Variants in DICER1 observed in about 807,000 individuals in gnomAD.
The protein encoded by DICER1 is dicer 1, ribonuclease III, also known as endoribonuclease Dicer.
Under a neutral mutation model 194.1 loss-of-function variants are expected in DICER1, and 43 were observed. That is an observed-to-expected ratio of 0.22 (90% confidence interval 0.17 to 0.29). The LOEUF (loss-of-function observed/expected upper bound fraction) is 0.29. Ranked by LOEUF, DICER1 falls within the 10% of genes least tolerant of loss-of-function variation. The probability of loss-of-function intolerance (pLI) is 1.00; values close to 1 mark genes in which losing one functional copy is unlikely to be tolerated. For synonymous variants in DICER1, 832 were observed against 820.5 expected, an observed-to-expected ratio of 1.01 and a Z score of -0.24; for missense variants, 1,608 against 2,317.0, an observed-to-expected ratio of 0.69 and a Z score of 6.28.
intron 21 of DICER1, 89 bp downstream of exon 21, chr14:95,103,257 T>C (rs1352389697): frequency 1.4e-6 from 2 of 1,380,824 alleles, no homozygotes; most frequent in Non-Finnish European, 2.1e-6. Flanking sequence ...GCATGATACG[T>C]TCTCATCCTC....
rs2139988946 is a variant in DICER1 at position 95,105,266 on chromosome 14, T to C, written c.3094-20A>G. 1 of 1,603,832 alleles carries C rather than the reference T, an allele frequency of 6.2e-7. No homozygotes were observed. Among genetic ancestry groups the C allele is most frequent in the Non-Finnish European group, 8.5e-7 (1 of 1,173,556 alleles). On this transcript the variant is annotated intron_variant, in intron 19 of 26. Coordinates refer to ENST00000343455, the MANE Select transcript of DICER1 (RefSeq NM_177438.3). The surrounding 1 kb of genome is among the most constrained non-coding windows in gnomAD (Gnocchi z 4.9). ...CAGTATCTTCAAGTAAGGGGAAAAA[T>C]GGACAGATAAATACAAAGCGCACAC...
At chr14:95,126,537 G>T in intron 7 of DICER1, 43 bp downstream of exon 7, 1 of 1,256,362 alleles carries the variant, frequency 8.0e-7, no homozygotes, top group South Asian at 1.3e-5. Context: ...AATTAACAAA[G>T]CTTTCAAAAT....
At chr14:95,108,558 C>T (rs1472990632) in intron 14 of DICER1, 55 bp from the exon 15 acceptor site, 2 of 1,488,912 alleles carry the variant, frequency 1.3e-6, no homozygotes. Context: ...GCCTCTTTTC[C>T]AGATGTCAGC....
chr14:95,129,605 G>A lies in DICER1; in HGVS notation c.601C>T (p.Arg201Cys), dbSNP rs774514314. Residue 201 changes from arginine to cysteine, a missense_variant, in exon 6 of 27, where the codon CGC becomes TGC. By Grantham distance (180) the Arg-to-Cys change is radical (BLOSUM62 -3). This residue lies in a region of DICER1 where 657 missense variants were observed against 910.1 expected (regional missense o/e 0.72). Transcript: ENST00000343455. ...KLCENCPSCP[R>C]ILGLTASILN... is the part of the protein sequence containing the mutation. ...ATGGAAGCAGTTAGTCCCAAAATGC[G>A]AGGACATGATGGACAATTTTCACAG... 6.2e-6 allele frequency: 10 copies of A among 1,612,796 alleles called. No homozygotes were observed. Among genetic ancestry groups the A allele is most frequent in the East Asian group, 2.2e-5 (1 of 44,852 alleles).
At chr14:95,139,000 A>T (rs1392231140) in intron 1 of DICER1, among the ~76,000 whole-genome samples, 2 of 150,996 alleles carry the variant, frequency 1.3e-5, no homozygotes, top group African/African-American at 2.4e-5. Context: ...AAAATAAAAA[A>T]AAAAAAAAAA....
Position 95,103,454 on chromosome 14 carries a change from C to A in DICER1, c.3942G>T (p.Arg1314=). The change falls in exon 21 of 27, where the codon CGG becomes CGT. Residue 1314 remains arginine, a synonymous_variant. Transcript: ENST00000343455. The stretch of plus-strand genomic sequence containing the variant: ...AAAAGGAGTCGCCAAGCATTTCAAG[C>A]CGCTCCAGGTTAAATCCATCACTAG... ...SNASDGFNLE[R]LEMLGDSFLK... 1 of 1,614,214 alleles carries A rather than the reference C, an allele frequency of 6.2e-7. No individual in the cohort carries two copies. Among genetic ancestry groups the A allele is most frequent in the Non-Finnish European group, 8.5e-7 (1 of 1,180,040 alleles).
intron 1 of DICER1, among the ~76,000 whole-genome samples, chr14:95,147,872 G>T (rs1474427898): frequency 6.6e-6 from 1 of 152,210 alleles, no homozygotes; most frequent in Non-Finnish European, 1.5e-5. Flanking sequence ...AGTCCTTGGG[G>T]AAAAACTTAC....
In DICER1 at chr14:95,116,711, C is replaced by T; in HGVS notation, c.1510-16G>A. ...TCCTAAGTACCTGAAAAAAAAAATC[C>T]ACCAAGAAAAGCACTTCTAAGAAAA... On this transcript the variant is annotated splice_polypyrimidine_tract_variant and intron_variant, in intron 9 of 26. Transcript: ENST00000343455. The T allele has an allele frequency of 6.2e-7, 1 of 1,612,096 alleles. No individual in the cohort carries two copies. The highest frequency in any genetic ancestry group is 8.5e-7 in the Non-Finnish European group (1 of 1,179,218).
Position 95,116,434 on chromosome 14 carries a change from G to A in DICER1, c.1752+19C>T. The A allele has an allele frequency of 1.9e-6, 3 of 1,607,978 alleles. No individual in the cohort carries two copies. Among genetic ancestry groups the A allele is most frequent in the Non-Finnish European group, 2.5e-6 (3 of 1,179,718 alleles). On this transcript the variant is annotated intron_variant, in intron 10 of 26. Coordinates refer to ENST00000343455, the MANE Select transcript of DICER1 (RefSeq NM_177438.3). ...TTTTTTTCCCAATCTGCCGGCACAT[G>A]TTAATATGTTGATCTTACCTTTTCA...
intron 8 of DICER1, among the ~76,000 whole-genome samples, chr14:95,120,627 G>C (rs931421936): frequency 6.6e-6 from 1 of 152,168 alleles, no homozygotes. Context: ...ATGTCAAAGG[G>C]ACACGGGTGC....
In DICER1 at chr14:95,090,344, T is replaced by A; in HGVS notation, c.*154A>T. 1 of 815,968 alleles carries A rather than the reference T, an allele frequency of 1.2e-6. No homozygotes were observed. The allele number at this position is 815,968 out of a possible 1,614,324, so 50.5% of individuals were successfully genotyped here. A position where few individuals can be genotyped will look rare whatever the true frequency, so the allele number is the denominator to read the frequency against. ...AATTTTATACATATGTTAAATGTTT[T>A]ATTCTGTTATCTATCCTGTTATCAA... On this transcript the variant is annotated 3_prime_UTR_variant, in exon 27 of 27. Transcript: ENST00000343455.
intron 14 of DICER1, among the ~76,000 whole-genome samples, chr14:95,110,425 T>C (rs1394684147): frequency 1.3e-5 from 2 of 152,208 alleles, no homozygotes; most frequent in Admixed American, 1.3e-4. Flanking sequence ...GTTCACCTGA[T>C]GTGCACAGTT....
chr14:95,120,160 A>G (rs1332559066), intron 8 of DICER1, among the ~76,000 whole-genome samples: 1 of 152,240 alleles, frequency 6.6e-6, no homozygotes, highest in Non-Finnish European at 1.5e-5. Context: ...ATTGAAATAC[A>G]TTATCAACAA....
chr14:95,123,609 A>G (rs577704152), intron 8 of DICER1, among the ~76,000 whole-genome samples: 12 of 152,264 alleles, frequency 7.9e-5, no homozygotes, highest in African/African-American at 2.4e-4. Flanking sequence ...TTCTAGAGAC[A>G]GGGTTTCGTT....
intron 8 of DICER1, among the ~76,000 whole-genome samples, chr14:95,122,666 C>T (rs1438354916): frequency 6.6e-6 from 1 of 152,204 alleles, no homozygotes; most frequent in Non-Finnish European, 1.5e-5. Context: ...TCTCCTGAGG[C>T]TCTTTCTCAT....
rs1227283210 is a variant in DICER1, at chr14:95,106,098, T to C, written c.2930A>G (p.Asn977Ser). ...TFAEYYKTKYNLDLTNLNQPL... is the reference protein window; with the variant it reads ...TFAEYYKTKYSLDLTNLNQPL... Reference sequence around the variant, plus strand: ...CTGGTTGAGATTGGTTAGGTCAAGGTTGTACTTTGTTTTATAATATTCTGC... The same window carrying C: ...CTGGTTGAGATTGGTTAGGTCAAGGCTGTACTTTGTTTTATAATATTCTGC... Residue 977 changes from asparagine (N) to serine (S), a missense_variant, in exon 18 of 27, where the codon AAC becomes AGC. Asn to Ser is a conservative substitution (Grantham distance 46). Around this residue, in one of 10 missense-constraint regions of DICER1, gnomAD observed 79 missense variants for 176.1 expected, o/e 0.45. Transcript: ENST00000343455. 2 of 1,614,084 alleles carry C rather than the reference T, an allele frequency of 1.2e-6. No individual in the cohort carries two copies. Among genetic ancestry groups the C allele is most frequent in the Non-Finnish European group, 1.7e-6 (2 of 1,180,034 alleles).
At chr14:95,101,258 G>C (rs151286174) in intron 21 of DICER1, among the ~76,000 whole-genome samples, 168 of 152,276 alleles carry the variant, frequency 1.1e-3, no homozygotes, top group African/African-American at 3.9e-3. Flanking sequence ...AACGCATCAG[G>C]GCTGAAAGGG....
rs766598800 is a variant in DICER1, at chr14:95,103,932, G to A, written c.3464C>T (p.Thr1155Met). The A allele has an allele frequency of 4.3e-6, 7 of 1,614,172 alleles. No homozygotes were observed. Among genetic ancestry groups the A allele is most frequent in the Non-Finnish European group, 3.4e-6 (4 of 1,180,010 alleles). Residue 1155 changes from threonine to methionine, a missense_variant, in exon 21 of 27, where the codon ACG becomes ATG. This residue lies in a region of DICER1 where 222 missense variants were observed against 215.5 expected (regional missense o/e 1.03). Coordinates refer to ENST00000343455, the MANE Select transcript of DICER1 (RefSeq NM_177438.3). ...NHDQMSVNCRTLLSESPGKLH... is the reference protein window; with the variant it reads ...NHDQMSVNCRMLLSESPGKLH... ...CTTACCAGGGGACTCGCTGAGCAAC[G>A]TTCTGCAGTTCACAGACATTTGGTC...
Position 95,122,454 on chromosome 14 carries a change from A to G in DICER1, c.1376+1742T>C, listed in dbSNP as rs115251719. The stretch of plus-strand genomic sequence containing the variant: ...TCCCAAAATGCTTTTTCCCTGCCCT[A>G]AGAAATAATCCCTCCTTAGTCACGC... On this transcript the variant is annotated intron_variant, in intron 8 of 26. Coordinates refer to ENST00000343455, the MANE Select transcript of DICER1 (RefSeq NM_177438.3). Among the ~76,000 whole-genome samples, 1,191 of 152,274 alleles carry G rather than the reference A, an allele frequency of 7.8e-3. 14 individuals are homozygous for G. The highest frequency in any genetic ancestry group is 0.028 in the African/African-American group (1,152 of 41,546).
Sources: allele counts gnomAD v4.1 joint callset (sites outside exome capture counted in the v4.1 genomes callset), GRCh38; gene constraint gnomAD v4.1.1; regional missense constraint gnomAD v4.1.1; non-coding constraint Gnocchi (gnomAD v3.1); transcripts MANE v1.5; gene names NCBI Gene and HGNC (gene_info 2026-07-23, HGNC 2026-07-21).